The following CCDC57 variants were observed in gnomAD, a reference collection of about 807,000 sequenced individuals.
CCDC57 encodes the protein coiled-coil domain containing 57.
Under a neutral mutation model 118.9 loss-of-function variants are expected in CCDC57, and 118 were observed. The observed-to-expected ratio is 0.99, with a 90% confidence interval of 0.86 to 1.16. The LOEUF (loss-of-function observed/expected upper bound fraction) is 1.16. Among genes scored for constraint, CCDC57 ranks in the 50% most tolerant of loss-of-function variants. The pLI is 0.00. For missense variants in CCDC57, 1,300 were observed against 1,320.7 expected, an observed-to-expected ratio of 0.98 and a Z score of 0.24; for synonymous variants, 527 against 532.9, an observed-to-expected ratio of 0.99 and a Z score of 0.15.
At chr17:82,166,797 T>G (rs1225390184) in intron 13 of CCDC57, among the ~76,000 whole-genome samples, 1 of 150,158 alleles carries the variant, frequency 6.7e-6, no homozygotes, top group African/African-American at 2.5e-5. Context: ...TAGCCTGTAG[T>G]CCCAGTTACT....
At chr17:82,128,403 C>A in intron 18 of CCDC57, 90 bp downstream of exon 17, 1 of 828,410 alleles carries the variant, frequency 1.2e-6, no homozygotes. Context: ...GAGCGAAGGC[C>A]CCTCCGAGAG....
chr17:82,188,507 T>A (rs1368225671), intron 7 of CCDC57, 88 bp from the exon 7 acceptor site: 4 of 1,322,560 alleles, frequency 3.0e-6, no homozygotes, highest in Non-Finnish European at 4.1e-6. Flanking sequence ...TTGCCCTGTC[T>A]CGTGCACAGG....
exon 5 of CCDC57, chr17:82,195,317 T>C: frequency 1.2e-6 from 2 of 1,602,706 alleles, no homozygotes; most frequent in South Asian, 2.3e-5. Context: ...GCAGACGGAA[T>C]TCGTGCTCCC....
chr17:82,176,196 C>G (rs2045457261), intron 11 of CCDC57, among the ~76,000 whole-genome samples: 1 of 151,390 alleles, frequency 6.6e-6, no homozygotes, highest in Non-Finnish European at 1.5e-5. Flanking sequence ...CCCCTCGTGG[C>G]TTGGAGAGAA....
chr17:82,106,253 C>T (rs922259479), intron 19 of CCDC57: 6 of 152,398 alleles, frequency 3.9e-5, no homozygotes, highest in African/African-American at 9.6e-5. Context: ...CTTTGAGAGA[C>T]GTGGGTCTGT....
chr17:82,170,215 C>A (rs965496986), intron 13 of CCDC57, among the ~76,000 whole-genome samples: 4 of 152,142 alleles, frequency 2.6e-5, no homozygotes, highest in African/African-American at 7.2e-5. Flanking sequence ...GTTGTCCTTA[C>A]AAGAAGAGGA....
chr17:82,183,894 T>A, exon 9 of CCDC57: 1 of 1,613,758 alleles, frequency 6.2e-7, no homozygotes, highest in African/African-American at 1.3e-5. Flanking sequence ...AATTTGAGCA[T>A]CCCAGGCAGA....
chr17:82,136,413 G>A (rs759924456), intron 16 of CCDC57, among the ~76,000 whole-genome samples: 7 of 152,112 alleles, frequency 4.6e-5, no homozygotes, highest in African/African-American at 1.2e-4. Context: ...GGTGCTGGGC[G>A]GGGGACAGGA....
At chr17:82,152,834 T>C (rs1027996344) in intron 15 of CCDC57, among the ~76,000 whole-genome samples, 1 of 152,228 alleles carries the variant, frequency 6.6e-6, no homozygotes, top group Non-Finnish European at 1.5e-5. Context: ...TTGGATGGCC[T>C]GGGGTGCAGC....
At chr17:82,108,164 A>C (rs543329592) in intron 19 of CCDC57, among the ~76,000 whole-genome samples, 1 of 152,246 alleles carries the variant, frequency 6.6e-6, no homozygotes, top group African/African-American at 2.4e-5. Context: ...GCAGTCCTTG[A>C]CTCTGGAGCA....
chr17:82,211,466 A>G (rs2050177006), intron 1 of CCDC57, among the ~76,000 whole-genome samples: 1 of 152,160 alleles, frequency 6.6e-6, no homozygotes, highest in African/African-American at 2.4e-5. Context: ...TGGTTCTCTA[A>G]GAGGTCAGCA....
chr17:82,114,466 C>T (rs576203907), intron 19 of CCDC57, among the ~76,000 whole-genome samples: 4 of 152,320 alleles, frequency 2.6e-5, no homozygotes, highest in African/African-American at 7.2e-5. Context: ...GCCACTCTGG[C>T]GTTCTACCAT....
chr17:82,107,955 A>G lies in CCDC57; in HGVS notation c.2900-6089T>C, dbSNP rs1390358721. ...ACGAGGGGGCTTTGGATCACTCTGC[A>G]CACACCTCAGGATGGAAGTCCTGGT... On this transcript the variant is annotated intron_variant, in intron 19 of 19. Coordinates refer to ENST00000665763, the Ensembl canonical transcript of CCDC57. Among the ~76,000 whole-genome samples the G allele has an allele frequency of 2.0e-5, 3 of 152,194 alleles. No homozygotes were observed. The East Asian group carries it at 5.8e-4, about 29-fold the overall frequency.
intron 19 of CCDC57, among the ~76,000 whole-genome samples, chr17:82,123,332 T>C (rs1430545972): frequency 6.8e-6 from 1 of 148,034 alleles, no homozygotes; most frequent in Non-Finnish European, 1.5e-5. Flanking sequence ...TCTCACTACA[T>C]TGTCCAGGCT....
chr17:82,104,073 A>C (rs915118488), intron 19 of CCDC57, among the ~76,000 whole-genome samples: 3 of 152,218 alleles, frequency 2.0e-5, no homozygotes, highest in Non-Finnish European at 2.9e-5. Context: ...CGGCTGCCCC[A>C]GGCGTGACTC....
intron 4 of CCDC57, among the ~76,000 whole-genome samples, chr17:82,196,638 G>A (rs1246263702): frequency 6.6e-6 from 1 of 152,160 alleles, no homozygotes; most frequent in Non-Finnish European, 1.5e-5. Flanking sequence ...CATCACTGCT[G>A]CACCTGCACA....
intron 15 of CCDC57, among the ~76,000 whole-genome samples, chr17:82,152,940 T>C (rs1438063645): frequency 6.6e-6 from 1 of 152,174 alleles, no homozygotes; most frequent in African/African-American, 2.4e-5. Context: ...GATGTCTGCT[T>C]TCCTCTTGGA....
chr17:82,184,028 C>CGT (rs2046587640), intron 8 of CCDC57, 96 bp from the exon 8 acceptor site: 8 of 399,634 alleles, frequency 2.0e-5, no homozygotes, highest in African/African-American at 6.9e-5. Flanking sequence ...CGCGCGCGCG[C>CGT]GCGCACACAC....
At chr17:82,179,104 G>T (rs769707515) in exon 10 of CCDC57, 1 of 1,613,912 alleles carries the variant, frequency 6.2e-7, no homozygotes. Context: ...TCATCACAGC[G>T]GCGCTGCCAG....
Sources: gnomAD v4.1 joint callset for allele counts (sites outside exome capture counted in the v4.1 genomes callset) on GRCh38, gnomAD v4.1.1 for gene constraint, MANE v1.5 for transcripts, NCBI Gene and HGNC (gene_info 2026-07-23, HGNC 2026-07-21) for gene names.